AGBL3: variants seen among roughly 807,000 people sequenced by gnomAD.
AGBL3 encodes the protein AGBL carboxypeptidase 3, also known as cytosolic carboxypeptidase 3.
Under a neutral mutation model 94.5 loss-of-function variants are expected in AGBL3, and 68 were observed. That is an observed-to-expected ratio of 0.72 (90% CI 0.59 to 0.88). AGBL3 has a LOEUF of 0.88. AGBL3 is among the 40% of genes least tolerant of loss of function. AGBL3 has a pLI of 0.00. For synonymous variants in AGBL3, 354 were observed against 370.7 expected (o/e 0.95, Z 0.52); for missense variants, 934 against 1,103.8 (o/e 0.85, Z 2.18).
intron 12 of AGBL3, among the ~76,000 whole-genome samples, chr7:135,069,454 A>G (rs1288502156): frequency 6.6e-6 from 1 of 152,206 alleles, no homozygotes; most frequent in Admixed American, 6.5e-5. Context: ...ACCTATTCCA[A>G]AATTGACCAC....
chr7:135,005,581 T>G (rs1259157100), intron 4 of AGBL3, among the ~76,000 whole-genome samples: 1 of 151,816 alleles, frequency 6.6e-6, no homozygotes, highest in Non-Finnish European at 1.5e-5. Context: ...GGATTTCTTT[T>G]TGTAGATGTA....
chr7:135,063,652 A>C (rs891259244), intron 12 of AGBL3, among the ~76,000 whole-genome samples: 1 of 152,006 alleles, frequency 6.6e-6, no homozygotes, highest in African/African-American at 2.4e-5. Flanking sequence ...TCAGGAGTGT[A>C]TTATTTAATT....
intron 10 of AGBL3, 71 bp downstream of exon 10, chr7:135,045,645 T>A (rs1472842170): frequency 7.1e-7 from 1 of 1,407,712 alleles, no homozygotes; most frequent in East Asian, 2.5e-5. Flanking sequence ...TATGGGCCTA[T>A]GCAGTGTTTG....
chr7:135,016,582 A>G (rs1185894405), intron 4 of AGBL3, among the ~76,000 whole-genome samples: 3 of 152,194 alleles, frequency 2.0e-5, no homozygotes, highest in African/African-American at 7.2e-5. Context: ...TGATAGCTAA[A>G]GGAGAAGTGG....
intron 8 of AGBL3, among the ~76,000 whole-genome samples, chr7:135,039,270 G>A (rs1816607950): frequency 6.6e-6 from 1 of 152,162 alleles, no homozygotes; most frequent in Non-Finnish European, 1.5e-5. Context: ...CTACAAACAT[G>A]TAGATATTAA....
At chr7:135,011,244 C>T (rs1194433074) in intron 4 of AGBL3, 1 of 151,930 alleles carries the variant, frequency 6.6e-6, no homozygotes. Flanking sequence ...AAATCTCACC[C>T]CAACCTTATG....
chr7:135,027,698 T>C (rs1225214321), intron 5 of AGBL3, among the ~76,000 whole-genome samples: 1 of 151,636 alleles, frequency 6.6e-6, no homozygotes, highest in Non-Finnish European at 1.5e-5. Flanking sequence ...TTCCATTGTC[T>C]TGTAGCCTCT....
chr7:135,125,501 C>A (rs183407134), intron 16 of AGBL3, among the ~76,000 whole-genome samples: 117 of 152,224 alleles, frequency 7.7e-4, no homozygotes, highest in African/African-American at 2.6e-3. Flanking sequence ...TGAAACTACT[C>A]CAAACAATTG....
intron 15 of AGBL3, chr7:135,093,636 C>T (rs1334575254): frequency 3.3e-5 from 5 of 152,180 alleles, no homozygotes; most frequent in African/African-American, 9.7e-5. Flanking sequence ...GGCAAGATAA[C>T]TCTGGTCATG....
In AGBL3 at chr7:134,987,958, G is replaced by T; in HGVS notation, c.25G>T (p.Asp9Tyr). 1 of 1,547,862 alleles carries T rather than the reference G, an allele frequency of 6.5e-7. No homozygotes were observed. Among genetic ancestry groups the T allele is most frequent in the Non-Finnish European group, 8.7e-7 (1 of 1,145,686 alleles). ...GATGTCAGAAGATTCAGAAAAGGAA[G>T]ACTATTCAGACAGAACAATCAGTGA... is the stretch of plus-strand genomic sequence containing the variant. MSEDSEKE[D>Y]YSDRTISDED... Residue 9 changes from aspartate to tyrosine, a missense_variant, in exon 2 of 17, where the codon GAC (aspartate) becomes TAC (tyrosine). Coordinates refer to ENST00000436302, the MANE Select transcript of AGBL3 (RefSeq NM_178563.4).
chr7:134,999,701 A>G (rs148758529), intron 4 of AGBL3, among the ~76,000 whole-genome samples: 2 of 152,354 alleles, frequency 1.3e-5, no homozygotes, highest in African/African-American at 4.8e-5. Context: ...TTCATCACCC[A>G]TCTATTTGAC....
At chr7:135,053,034 A>G (rs1403865889) in intron 11 of AGBL3, among the ~76,000 whole-genome samples, 1 of 152,212 alleles carries the variant, frequency 6.6e-6, no homozygotes, top group Non-Finnish European at 1.5e-5. Flanking sequence ...TGTGCTACTT[A>G]TGTATATTGC....
intron 4 of AGBL3, among the ~76,000 whole-genome samples, chr7:134,998,181 T>C (rs1811242718): frequency 6.6e-6 from 1 of 152,232 alleles, no homozygotes. Flanking sequence ...AGATAATGGC[T>C]CATTACCTCT....
rs1274679166 is a variant in AGBL3, at chr7:135,115,539, G to A, written c.2270G>A (p.Ser757Asn). ...CAGTATTTGCTCCCCATCGTGCATAGCACTAAAAACATGCAAACCACTCAG... is the reference window on the plus strand; with the variant it reads ...CAGTATTTGCTCCCCATCGTGCATAACACTAAAAACATGCAAACCACTCAG... ...ILQYLLPIVH[S>N]TKNMQTTQIK... The change falls in exon 16 of 17, where the codon AGC (serine) becomes AAC (asparagine). Residue 757 changes from serine (S) to asparagine (N), a missense_variant. Physicochemically the swap from Ser to Asn is conservative, Grantham distance 46 (BLOSUM62 1). Around this residue, in one of 3 missense-constraint regions of AGBL3, gnomAD observed 441 missense variants for 518.2 expected, o/e 0.85. Coordinates refer to ENST00000436302, the MANE Select transcript of AGBL3 (RefSeq NM_178563.4). 2 of 1,551,302 alleles carry A rather than the reference G, an allele frequency of 1.3e-6. No homozygotes were observed. The highest frequency in any genetic ancestry group is 1.7e-6 in the Non-Finnish European group (2 of 1,146,828).
At position 135,032,480 on chromosome 7, in the gene AGBL3, T is replaced by TG. The variant is rs573402596; in HGVS notation, c.419-364_419-363insG. Among the ~76,000 whole-genome samples the TG allele has an allele frequency of 2.7e-3, 410 of 150,936 alleles. 7 individuals carry two copies. The highest frequency in any genetic ancestry group is 0.012 in the South Asian group (57 of 4,726). ...CCACCACACCTGGCTAATTTTTTTT[T>TG]TTTTTTTTGTATTTTTAGTAGAGAC... On this transcript the variant is annotated intron_variant, in intron 5 of 16. Transcript: ENST00000436302.
chr7:135,060,485 A>C (rs1818732042), intron 12 of AGBL3, among the ~76,000 whole-genome samples: 1 of 152,040 alleles, frequency 6.6e-6, no homozygotes, highest in African/African-American at 2.4e-5. Flanking sequence ...TGCATAATAG[A>C]TCTCTTGAAC....
chr7:135,096,565 AT>A lies in AGBL3; in HGVS notation c.2110+14776del, dbSNP rs1331236114. ...AAAAGAAAGAAAGAAAGAAAGATAG[AT>A]AGATAGATAGATAGATACATAGATA... On this transcript the variant is annotated intron_variant, in intron 15 of 16. Coordinates refer to ENST00000436302, the MANE Select transcript of AGBL3 (RefSeq NM_178563.4). Among the ~76,000 whole-genome samples the A allele has an allele frequency of 7.4e-3, 236 of 31,694 alleles. 7 individuals are homozygous for A. Among genetic ancestry groups the A allele is most frequent in the South Asian group, 0.031 (13 of 418 alleles). 20.8% of individuals were successfully genotyped at this position (31,694 alleles called of 152,430 possible).
At chr7:135,055,002 T>A (rs1818211553) in intron 11 of AGBL3, among the ~76,000 whole-genome samples, 1 of 152,190 alleles carries the variant, frequency 6.6e-6, no homozygotes, top group African/African-American at 2.4e-5. Context: ...CATCATAACA[T>A]GGCAGAGAAG....
intron 11 of AGBL3, chr7:135,051,255 G>A: frequency 5.2e-6 from 1 of 194,062 alleles, no homozygotes. Flanking sequence ...AACCTTCCCT[G>A]GTGACTAATA....
Sources: allele counts gnomAD v4.1 joint callset (sites outside exome capture counted in the v4.1 genomes callset), GRCh38; gene constraint gnomAD v4.1.1; regional missense constraint gnomAD v4.1.1; transcripts MANE v1.5; gene names NCBI Gene and HGNC (gene_info 2026-07-23, HGNC 2026-07-21).